The following DGKB variants were observed in gnomAD, a reference collection of about 807,000 sequenced individuals.
DGKB encodes the protein diacylglycerol kinase beta.
DGKB carries 67 observed loss-of-function variants against 114.3 expected under a neutral mutation model. The observed-to-expected ratio is 0.59, with a 90% CI of 0.48 to 0.72. The LOEUF is 0.72. DGKB is among the 30% of genes least tolerant of loss of function. DGKB has a pLI of 0.00. For synonymous variants in DGKB, 398 were observed against 323.1 expected, an observed-to-expected ratio of 1.23 and a Z score of -2.49; for missense variants, 907 against 975.2, an observed-to-expected ratio of 0.93 and a Z score of 0.93.
chr7:14,321,973 T>C (rs1198173920), intron 23 of DGKB, among the ~76,000 whole-genome samples: 2 of 152,224 alleles, frequency 1.3e-5, no homozygotes, highest in East Asian at 3.8e-4. Flanking sequence ...TGTAATTTTA[T>C]TCAAAATCCC....
chr7:14,439,272 CT>C (rs1292870570), intron 21 of DGKB, among the ~76,000 whole-genome samples: 2 of 151,992 alleles, frequency 1.3e-5, no homozygotes, highest in African/African-American at 4.8e-5. Context: ...TCTCAAGATA[CT>C]TTTAAATCTT....
chr7:14,368,136 C>T (rs902380533), intron 21 of DGKB, among the ~76,000 whole-genome samples: 1 of 149,360 alleles, frequency 6.7e-6, no homozygotes. Context: ...ATACTCCCTA[C>T]CCCCACATAT....
chr7:14,628,089 C>T (rs955232665), intron 14 of DGKB, among the ~76,000 whole-genome samples: 3 of 152,052 alleles, frequency 2.0e-5, no homozygotes, highest in Non-Finnish European at 2.9e-5. Flanking sequence ...CTCTTATGCT[C>T]ACACTCATTG....
At chr7:14,415,401 C>A (rs35627455) in intron 21 of DGKB, among the ~76,000 whole-genome samples, 1 of 145,938 alleles carries the variant, frequency 6.9e-6, no homozygotes, top group Non-Finnish European at 1.5e-5. Flanking sequence ...GGTATATCTC[C>A]TAATGCTATC....
At chr7:14,280,484 C>A (rs1409144656) in intron 23 of DGKB, among the ~76,000 whole-genome samples, 1 of 150,126 alleles carries the variant, frequency 6.7e-6, no homozygotes, top group African/African-American at 2.4e-5. Flanking sequence ...GGCAGGCCAA[C>A]ATTCAGATTC....
At chr7:14,927,665 AC>A (rs1784816352) in intron 1 of DGKB, among the ~76,000 whole-genome samples, 1 of 152,040 alleles carries the variant, frequency 6.6e-6, no homozygotes. Flanking sequence ...AGAAAAATAT[AC>A]CTTTTTCAAT....
At chr7:14,697,271 AT>A (rs1824106090) in intron 8 of DGKB, among the ~76,000 whole-genome samples, 1 of 152,190 alleles carries the variant, frequency 6.6e-6, no homozygotes, top group Non-Finnish European at 1.5e-5. Context: ...TGGGCAAGTA[AT>A]TTTAACATAT....
At chr7:14,182,587 T>A (rs1478379419) in intron 23 of DGKB, among the ~76,000 whole-genome samples, 1 of 152,252 alleles carries the variant, frequency 6.6e-6, no homozygotes, top group Non-Finnish European at 1.5e-5. Flanking sequence ...CATTTTAAAG[T>A]TTATAAATCT....
chr7:14,305,053 T>C (rs1442855830), intron 23 of DGKB, among the ~76,000 whole-genome samples: 2 of 152,168 alleles, frequency 1.3e-5, no homozygotes, highest in African/African-American at 4.8e-5. Flanking sequence ...TATTTTCACA[T>C]ATGCATACAA....
intron 23 of DGKB, among the ~76,000 whole-genome samples, chr7:14,181,515 T>C (rs558249345): frequency 3.9e-5 from 6 of 152,306 alleles, no homozygotes; most frequent in Admixed American, 1.3e-4. Flanking sequence ...AGTTTCCAAA[T>C]AATTTTATTA....
chr7:14,711,359 T>C lies in DGKB; in HGVS notation c.466+7183A>G, dbSNP rs752112006. Reference sequence around the variant, plus strand: ...CAAGTCAAGGTCAAGGATAGAACTTTTCTTTCATCCAGAAGAAGAAAGAGA... The same window carrying C: ...CAAGTCAAGGTCAAGGATAGAACTTCTCTTTCATCCAGAAGAAGAAAGAGA... On this transcript the variant is annotated intron_variant, in intron 6 of 25. Transcript: ENST00000402815. Among the ~76,000 whole-genome samples, 3 of 152,238 alleles carry C rather than the reference T, an allele frequency of 2.0e-5. No homozygotes were observed. In the South Asian group the frequency reaches 6.2e-4, roughly 32 times the overall value.
At chr7:14,260,232 T>G (rs1029179825) in intron 23 of DGKB, among the ~76,000 whole-genome samples, 2 of 152,114 alleles carry the variant, frequency 1.3e-5, no homozygotes, top group Non-Finnish European at 2.9e-5. Context: ...AACAGATGGT[T>G]TACATTTATA....
chr7:14,936,174 C>A (rs1054599030), intron 1 of DGKB, among the ~76,000 whole-genome samples: 1 of 152,092 alleles, frequency 6.6e-6, no homozygotes, highest in South Asian at 2.1e-4. Context: ...AGTGAGGTCA[C>A]TGGATAGAGA....
chr7:14,823,578 A>G (rs1845246509), intron 2 of DGKB, among the ~76,000 whole-genome samples: 1 of 152,178 alleles, frequency 6.6e-6, no homozygotes, highest in Admixed American at 6.6e-5. Context: ...TTTAAAATCT[A>G]TCTCTGCACT....
chr7:14,268,232 A>C (rs529260277), intron 23 of DGKB, among the ~76,000 whole-genome samples: 2,467 of 132,612 alleles, frequency 0.019, 70 homozygotes, highest in African/African-American at 0.06. Context: ...CACACACACC[A>C]CACACACACA....
chr7:14,495,479 TG>T, intron 20 of DGKB, among the ~76,000 whole-genome samples: 1 of 151,946 alleles, frequency 6.6e-6, no homozygotes, highest in East Asian at 1.9e-4. Context: ...TATAGTCTTT[TG>T]AAAGGACAGC....
chr7:14,483,279 A>G (rs946536472), intron 20 of DGKB, among the ~76,000 whole-genome samples: 3 of 152,128 alleles, frequency 2.0e-5, no homozygotes, highest in African/African-American at 7.2e-5. Context: ...CAACTGTGAT[A>G]CTATGCTTTT....
intron 8 of DGKB, among the ~76,000 whole-genome samples, chr7:14,697,756 G>GAAAGAAAGAAAGA (rs2129003365): frequency 7.6e-6 from 1 of 131,966 alleles, no homozygotes; most frequent in South Asian, 2.3e-4. Context: ...AAGAAAGAAA[G>GAAAGAAAGAAAGA]AAAGAAAGAA....
chr7:14,226,789 T>C (rs1266187993), intron 23 of DGKB, among the ~76,000 whole-genome samples: 3 of 152,088 alleles, frequency 2.0e-5, no homozygotes, highest in Non-Finnish European at 4.4e-5. Flanking sequence ...ACATATAAGA[T>C]TGCAATTCAT....
Sources: allele counts gnomAD v4.1 joint callset (sites outside exome capture counted in the v4.1 genomes callset), GRCh38; gene constraint gnomAD v4.1.1; transcripts MANE v1.5; gene names NCBI Gene and HGNC (gene_info 2026-07-23, HGNC 2026-07-21).